The following POLE2 variants were observed in gnomAD, a reference collection of about 807,000 sequenced individuals.
POLE2 encodes DNA polymerase epsilon 2, accessory subunit, also known as DNA polymerase epsilon subunit 2.
In POLE2, 56 loss-of-function variants were observed where a neutral mutation model predicts 79.4. The observed-to-expected ratio is 0.71, with a 90% CI of 0.57 to 0.88. POLE2 has a LOEUF of 0.88. Ranked by LOEUF, POLE2 falls within the 40% of genes least tolerant of loss-of-function variation. POLE2 has a pLI of 0.00. For missense variants in POLE2, 598 were observed against 638.9 expected (o/e 0.94, Z 0.69); for synonymous variants, 212 against 214.0 (o/e 0.99, Z 0.08).
chr14:49,660,947 G>T (rs1354218486), intron 10 of POLE2, among the ~76,000 whole-genome samples: 3 of 152,048 alleles, frequency 2.0e-5, no homozygotes, highest in Non-Finnish European at 4.4e-5. Flanking sequence ...TGGGGGGTAG[G>T]GGGACAAAGT....
Position 49,669,539 on chromosome 14 carries a change from G to T in POLE2, c.477C>A (p.Ser159Arg). ...PPVIGSHPDESGSKFQLKTIE... is the reference protein window; with the variant it reads ...PPVIGSHPDERGSKFQLKTIE... ...ATGTTCTAACCTGGAATTTGCTTCCGCTTTCATCAGGGTGAGAACCTATCA... is the reference window on the plus strand; with the variant it reads ...ATGTTCTAACCTGGAATTTGCTTCCTCTTTCATCAGGGTGAGAACCTATCA... The change falls in exon 6 of 19, where the codon AGC (serine) becomes AGA (arginine). Residue 159 changes from serine to arginine, a missense_variant. Physicochemically the swap from Ser to Arg is moderately radical, Grantham distance 110. Coordinates refer to ENST00000216367, the MANE Select transcript of POLE2 (RefSeq NM_002692.4). 6.3e-7 allele frequency: 1 copy of T among 1,583,082 alleles called. No individual in the cohort carries two copies.
At chr14:49,661,450 T>G (rs1885094115) in intron 10 of POLE2, among the ~76,000 whole-genome samples, 1 of 152,206 alleles carries the variant, frequency 6.6e-6, no homozygotes, top group African/African-American at 2.4e-5. Context: ...TGATTTCAGT[T>G]AAGCATATAC....
chr14:49,664,501 T>G, intron 9 of POLE2, 125 bp downstream of exon 9: 1 of 705,494 alleles, frequency 1.4e-6, no homozygotes, highest in South Asian at 1.7e-5. Context: ...AAGAGTTATT[T>G]TGCCAAAAAT....
At chr14:49,662,596 C>T (rs1034227125) in intron 10 of POLE2, among the ~76,000 whole-genome samples, 1 of 152,264 alleles carries the variant, frequency 6.6e-6, no homozygotes, top group African/African-American at 2.4e-5. Context: ...CCAAAGTGGG[C>T]AACCACTGCA....
chr14:49,664,865 T>C (rs986898584), intron 8 of POLE2, among the ~76,000 whole-genome samples, 191 bp from the exon 9 acceptor site: 10 of 152,244 alleles, frequency 6.6e-5, no homozygotes, highest in African/African-American at 1.9e-4. Context: ...CTTGGTAATA[T>C]TGACAGGGTG....
Position 49,666,185 on chromosome 14 carries a change from AT to A in POLE2, c.576+144del, listed in dbSNP as rs56140743. ...TGACATGATGATACTATTTCCTCGT[AT>A]TACCACTATTCCAATATTGTTCTGT... On this transcript the variant is annotated intron_variant, in intron 7 of 18. Transcript: ENST00000216367. The A allele has an allele frequency of 9.0e-4, 560 of 620,016 alleles. 7 individuals are homozygous for A. In the East Asian group the frequency reaches 0.015, roughly 16 times the overall value. The allele number at this position is 620,016 out of a possible 1,614,324, so 38.4% of individuals were successfully genotyped here.
At chr14:49,679,627 T>C (rs916569898) in intron 3 of POLE2, 98 bp downstream of exon 3, 3 of 666,166 alleles carry the variant, frequency 4.5e-6, no homozygotes, top group African/African-American at 3.7e-5. Context: ...GTAATCACTG[T>C]AGAAACGTTG....
At chr14:49,669,440 T>C in intron 6 of POLE2, 84 bp downstream of exon 6, 1 of 763,098 alleles carries the variant, frequency 1.3e-6, no homozygotes, top group East Asian at 2.5e-5. Flanking sequence ...TTATTTTCAT[T>C]TAAAATTCAA....
chr14:49,672,513 T>C (rs1281042219), intron 5 of POLE2, among the ~76,000 whole-genome samples: 1 of 151,938 alleles, frequency 6.6e-6, no homozygotes, highest in Non-Finnish European at 1.5e-5. Context: ...TTTTTTTTTT[T>C]TTTGAGACGG....
intron 6 of POLE2, among the ~76,000 whole-genome samples, chr14:49,667,648 G>A (rs979825049): frequency 1.3e-5 from 2 of 150,998 alleles, no homozygotes; most frequent in African/African-American, 4.9e-5. Flanking sequence ...GGGCTCAAGT[G>A]ATCCTTCCAC....
chr14:49,665,237 G>A (rs774928367), intron 7 of POLE2, 74 bp from the exon 8 acceptor site: 32 of 702,602 alleles, frequency 4.6e-5, no homozygotes, highest in Non-Finnish European at 6.4e-5. Context: ...TAAACTACAA[G>A]TTTGACAACA....
rs539137919 is a variant in POLE2, at chr14:49,684,982, AT to A, written c.69-1290del. ...ACAGAGAAACTCCATCTCAAAAAAA[AT>A]AAATAAATAAAATAAAATCACATTA... On this transcript the variant is annotated intron_variant, in intron 1 of 18. Coordinates refer to ENST00000216367, the MANE Select transcript of POLE2 (RefSeq NM_002692.4). Among the ~76,000 whole-genome samples, 28 of 152,306 alleles carry A rather than the reference AT, an allele frequency of 1.8e-4. No homozygotes were observed. In the East Asian group the frequency reaches 5.2e-3, roughly 28 times the overall value.
At chr14:49,681,753 G>T (rs1886721444) in intron 2 of POLE2, 1 of 150,870 alleles carries the variant, frequency 6.6e-6, no homozygotes, top group Non-Finnish European at 1.5e-5. Flanking sequence ...AACCGAGATG[G>T]CGCCATTGCA....
At chr14:49,684,661 TAAAAAAAAAAAAAA>T (rs568332625) in intron 1 of POLE2, 2 of 100,316 alleles carry the variant, frequency 2.0e-5, no homozygotes, top group Non-Finnish European at 4.1e-5. Context: ...TGACCATCAT[TAAAAAAAAAAAAAA>T]AAAAAAAAAA....
At chr14:49,685,357 C>T (rs1887052002) in intron 1 of POLE2, among the ~76,000 whole-genome samples, 1 of 152,122 alleles carries the variant, frequency 6.6e-6, no homozygotes, top group Non-Finnish European at 1.5e-5. Context: ...CATCCTTCCA[C>T]AGAGTTCTAA....
At chr14:49,650,548 A>G in intron 16 of POLE2, 107 bp from the exon 17 acceptor site, 1 of 681,528 alleles carries the variant, frequency 1.5e-6, no homozygotes, top group Non-Finnish European at 2.2e-6. Flanking sequence ...GAACCAGAAA[A>G]TTTGAGAAAC....
intron 2 of POLE2, among the ~76,000 whole-genome samples, chr14:49,680,125 G>GA (rs956200229): frequency 1.3e-5 from 2 of 152,234 alleles, no homozygotes; most frequent in African/African-American, 4.8e-5. Flanking sequence ...CAAGGCAGGA[G>GA]GATGGCTCGA....
chr14:49,679,848 A>T (rs1356380667), intron 2 of POLE2, 48 bp from the exon 3 acceptor site: 3 of 1,021,538 alleles, frequency 2.9e-6, no homozygotes, highest in Non-Finnish European at 4.6e-6. Context: ...AAAAAAAAAT[A>T]GTTCTTTCCA....
intron 3 of POLE2, among the ~76,000 whole-genome samples, chr14:49,679,225 G>A (rs1053120194): frequency 6.6e-6 from 1 of 152,038 alleles, no homozygotes; most frequent in African/African-American, 2.4e-5. Context: ...AGAGGAAAGA[G>A]GGATATTCAG....
Sources: allele counts gnomAD v4.1 joint callset (sites outside exome capture counted in the v4.1 genomes callset), GRCh38; gene constraint gnomAD v4.1.1; transcripts MANE v1.5; gene names NCBI Gene and HGNC (gene_info 2026-07-23, HGNC 2026-07-21).